Variants in ADGRE3 observed in about 807,000 individuals in gnomAD.
The protein encoded by ADGRE3 is adhesion G protein-coupled receptor E3, also known as EGF-like module receptor 3.
Under a neutral mutation model 80.1 loss-of-function variants are expected in ADGRE3, and 88 were observed. The observed-to-expected ratio is 1.10, with a 90% CI of 0.93 to 1.31. The LOEUF is 1.31. Ranked by LOEUF, ADGRE3 falls within the 40% of genes most tolerant of loss-of-function variation. The pLI, the probability that ADGRE3 is intolerant of heterozygous loss-of-function variation, is 0.00. For synonymous variants in ADGRE3, 281 were observed against 294.8 expected (o/e 0.95, Z 0.48); for missense variants, 715 against 776.5 (o/e 0.92, Z 0.94).
At chr19:14,615,966 C>CTTT (rs376499489), downstream of ADGRE3, among the ~76,000 whole-genome samples, 2,025 of 141,374 alleles carry the variant, frequency 0.014, 25 homozygotes, top group Middle Eastern at 0.043. Context: ...CTCTGCCTTA[C>CTTT]TTTTTTTTTT....
intron 1 of ADGRE3, among the ~76,000 whole-genome samples, chr19:14,671,355 T>C (rs1972251606): frequency 6.6e-6 from 1 of 152,182 alleles, no homozygotes; most frequent in African/African-American, 2.4e-5. Flanking sequence ...TTCCAGCTTC[T>C]AGAAGCTGCC....
intron 4 of ADGRE3, 74 bp downstream of exon 4, chr19:14,661,889 C>A: frequency 1.3e-6 from 2 of 1,530,264 alleles, no homozygotes; most frequent in African/African-American, 1.4e-5. Context: ...TGTCTCAAAA[C>A]AAAACAAAAC....
At chr19:14,666,543 A>G (rs186020256) in intron 2 of ADGRE3, among the ~76,000 whole-genome samples, 23 of 152,036 alleles carry the variant, frequency 1.5e-4, no homozygotes, top group African/African-American at 5.5e-4. Context: ...CACCTGGATA[A>G]TTTTTGTATT....
In ADGRE3 at chr19:14,620,547, A is replaced by ATATT. The variant is rs1412981962; in HGVS notation, c.1921-1077_1921-1076insAATA. 3.6e-4 allele frequency among the ~76,000 whole-genome samples: 5 copies of ATATT among 13,962 alleles called. 1 individual carries two copies. The highest frequency in any genetic ancestry group is 2.1e-3 in the African/African-American group (5 of 2,384). The allele number at this position is 13,962 out of a possible 152,430, so 9.2% of individuals were successfully genotyped here. A position where few individuals can be genotyped will look rare whatever the true frequency, so the allele number is the denominator to read the frequency against. ...ATGAATATATATATTTTATATATAT[A>ATATT]TTATATATATATATATATATATTTT... is the stretch of plus-strand genomic sequence containing the variant. On this transcript the variant is annotated intron_variant, in intron 15 of 15. Transcript: ENST00000253673.
At chr19:14,669,001 G>T in intron 1 of ADGRE3, 149 bp from the exon 2 acceptor site, 1 of 708,090 alleles carries the variant, frequency 1.4e-6, no homozygotes, top group Non-Finnish European at 2.4e-6. Context: ...TGTTGAGTAT[G>T]GAGATCTCTC....
At chr19:14,653,533 G>A (rs977318752) in intron 6 of ADGRE3, among the ~76,000 whole-genome samples, 9 of 152,016 alleles carry the variant, frequency 5.9e-5, no homozygotes, top group Non-Finnish European at 2.9e-5. Context: ...GCTTCTGAGG[G>A]ATCCTAGTCC....
At chr19:14,639,961 C>CT (rs1452362846) in intron 10 of ADGRE3, among the ~76,000 whole-genome samples, 1 of 152,054 alleles carries the variant, frequency 6.6e-6, no homozygotes, top group Non-Finnish European at 1.5e-5. Context: ...ATTTGGTATC[C>CT]TTTGACCAAC....
At chr19:14,640,913 C>G (rs1971229405) in intron 10 of ADGRE3, among the ~76,000 whole-genome samples, 2 of 152,166 alleles carry the variant, frequency 1.3e-5, no homozygotes, top group Non-Finnish European at 2.9e-5. Context: ...GATTCTGAGG[C>G]CTCCCCTGCC....
chr19:14,633,718 T>A (rs141832314), intron 11 of ADGRE3, among the ~76,000 whole-genome samples: 6,617 of 96,508 alleles, frequency 0.069, 385 homozygotes, highest in African/African-American at 0.14. Context: ...AAAAATAAAA[T>A]AAAATAAAAT....
chr19:14,612,498 T>C, the ADGRE3 span, among the ~76,000 whole-genome samples: 1 of 151,760 alleles, frequency 6.6e-6, no homozygotes, highest in Non-Finnish European at 1.5e-5. Flanking sequence ...CCGTGCCTGG[T>C]TAATTCTTGT....
At chr19:14,655,494 C>T (rs141042872) in intron 5 of ADGRE3, among the ~76,000 whole-genome samples, 4 of 152,234 alleles carry the variant, frequency 2.6e-5, no homozygotes, top group Non-Finnish European at 4.4e-5. Flanking sequence ...ATTGCTCTGT[C>T]GCCCAGGCTA....
intron 4 of ADGRE3, among the ~76,000 whole-genome samples, chr19:14,659,078 T>C (rs6511953): frequency 0.34 from 50,242 of 149,698 alleles, 8,874 homozygotes; most frequent in African/African-American, 0.46. Flanking sequence ...TTCTGCTGCC[T>C]AGGCTGGAGT....
chr19:14,674,737 C>G lies in ADGRE3; in HGVS notation c.25+9G>C, dbSNP rs1743429758. The G allele has an allele frequency of 6.2e-7, 1 of 1,613,392 alleles. No individual in the cohort carries two copies. Among genetic ancestry groups the G allele is most frequent in the Admixed American group, 1.7e-5 (1 of 59,878 alleles). On this transcript the variant is annotated intron_variant, in intron 1 of 15. Transcript: ENST00000253673. ...GTTAAGCCTCAGTCATTGTTACAGT[C>G]ACACATACCTGGAAGAAGCAATGGT...
At chr19:14,637,712 G>C (rs1329820480) in intron 11 of ADGRE3, among the ~76,000 whole-genome samples, 1 of 151,560 alleles carries the variant, frequency 6.6e-6, no homozygotes, top group Non-Finnish European at 1.5e-5. Context: ...ATTTTTTGTA[G>C]AGATGAGGGC....
At chr19:14,641,731 G>A (rs757503225) in intron 9 of ADGRE3, 115 bp from the exon 10 acceptor site, 487 of 1,243,988 alleles carry the variant, frequency 3.9e-4, no homozygotes, top group Non-Finnish European at 3.9e-4. Context: ...GTGTGGGACC[G>A]TTAGACTGCT....
chr19:14,654,491 C>T (rs1230675095), intron 6 of ADGRE3, among the ~76,000 whole-genome samples: 1 of 151,944 alleles, frequency 6.6e-6, no homozygotes, highest in East Asian at 1.9e-4. Flanking sequence ...TCTTGAGCTC[C>T]TGGGCTGAAT....
chr19:14,623,298 A>T (rs757937224), intron 15 of ADGRE3, among the ~76,000 whole-genome samples: 8,115 of 40,024 alleles, frequency 0.2, 2,939 homozygotes, highest in Non-Finnish European at 0.28. Flanking sequence ...AAAAAAAAAA[A>T]TAAAAAAAAA....
chr19:14,643,089 T>C (rs1287667985), intron 9 of ADGRE3, among the ~76,000 whole-genome samples: 1 of 152,002 alleles, frequency 6.6e-6, no homozygotes, highest in African/African-American at 2.4e-5. Context: ...CCAGCATCTG[T>C]TATTTTTTGA....
intron 13 of ADGRE3, 27 bp from the exon 14 acceptor site, chr19:14,630,234 A>G: frequency 1.5e-5 from 23 of 1,577,984 alleles, no homozygotes; most frequent in Non-Finnish European, 2.0e-5. Context: ...AGAGATTAGG[A>G]TGTCAAAAAA....
Sources: gnomAD v4.1 joint callset for allele counts (sites outside exome capture counted in the v4.1 genomes callset) on GRCh38, gnomAD v4.1.1 for gene constraint, MANE v1.5 for transcripts, NCBI Gene and HGNC (gene_info 2026-07-23, HGNC 2026-07-21) for gene names.